Variants in MRNIP observed in about 807,000 individuals in gnomAD.
MRNIP encodes MRN complex interacting protein.
MRNIP carries 30 observed loss-of-function variants against 29.8 expected under a neutral mutation model. That is an observed-to-expected ratio of 1.01 (90% CI 0.75 to 1.36). The LOEUF (loss-of-function observed/expected upper bound fraction) is 1.36. MRNIP is among the 40% of genes most tolerant of loss of function. The pLI is 0.00. For synonymous variants in MRNIP, 201 were observed against 164.1 expected (o/e 1.23, Z -1.72); for missense variants, 459 against 423.5 (o/e 1.08, Z -0.74).
intron 4 of MRNIP, among the ~76,000 whole-genome samples, chr5:179,843,879 A>G (rs1759015953): frequency 6.6e-6 from 1 of 152,198 alleles, no homozygotes; most frequent in Non-Finnish European, 1.5e-5. Flanking sequence ...TGGAAGCAGT[A>G]TAAGGTGATA....
At chr5:179,843,079 G>C (rs534573066) in intron 4 of MRNIP, among the ~76,000 whole-genome samples, 51 of 137,036 alleles carry the variant, frequency 3.7e-4, no homozygotes, top group East Asian at 7.4e-4. Context: ...GGGAGGGAGG[G>C]AGGCAGGCAA....
At position 179,838,073 on chromosome 5, in the gene MRNIP, C is replaced by T. The variant is rs886060510; in HGVS notation, c.538-188G>A. 23 of 604,564 alleles carry T rather than the reference C, an allele frequency of 3.8e-5. No homozygotes were observed. The highest frequency in any genetic ancestry group is 5.8e-5 in the Non-Finnish European group (20 of 343,164). The allele number at this position is 604,564 out of a possible 1,614,324, so 37.4% of individuals were successfully genotyped here. A position where few individuals can be genotyped will look rare whatever the true frequency, so the allele number is the denominator to read the frequency against. On this transcript the variant is annotated intron_variant, in intron 6 of 6. Coordinates refer to ENST00000292586, the MANE Select transcript of MRNIP (RefSeq NM_016175.4). ...AGCAAATAAATGCCTTCCACCTCAC[C>T]GCAAACCTTCTGCTAAATTGCATGA...
At chr5:179,851,225 T>C (rs2113565370) in intron 2 of MRNIP, 1 of 455,638 alleles carries the variant, frequency 2.2e-6, no homozygotes, top group South Asian at 1.5e-5. Context: ...ATGCTCACCA[T>C]GTGGGGTGTC....
At chr5:179,843,064 A>AAGGAAGGAAGGGG in intron 4 of MRNIP, among the ~76,000 whole-genome samples, 1 of 85,990 alleles carries the variant, frequency 1.2e-5, no homozygotes, top group Non-Finnish European at 2.4e-5. Context: ...GAAGGAAGGG[A>AAGGAAGGAAGGGG]GGGAGGGAGG....
At chr5:179,851,321 C>A (rs1160436566) in intron 2 of MRNIP, 2 of 456,114 alleles carry the variant, frequency 4.4e-6, no homozygotes, top group Admixed American at 4.7e-5. Context: ...CAGCCTGGGC[C>A]AACCAGGTTG....
Position 179,844,158 on chromosome 5 carries a change from C to T in MRNIP, c.285G>A (p.Lys95=). 1 of 1,614,120 alleles carries T rather than the reference C, an allele frequency of 6.2e-7. No individual in the cohort carries two copies. Among genetic ancestry groups the T allele is most frequent in the Non-Finnish European group, 8.5e-7 (1 of 1,179,966 alleles). The part of the protein sequence containing the change: ...NVGHQQAGNV[K]QQEKSQPSES... ...AGGTGGGCCTGAGGCTTACCTGCTG[C>T]TTCACATTCCCAGCCTGCTGGTGTC... Residue 95 remains lysine, a synonymous_variant, in exon 4 of 7, where the codon AAG becomes AAA. Transcript: ENST00000292586.
At position 179,857,783 on chromosome 5, in the gene MRNIP, C is replaced by A. The variant is rs181001240; in HGVS notation, c.66+948G>T. Among the ~76,000 whole-genome samples, 7 of 152,230 alleles carry A rather than the reference C, an allele frequency of 4.6e-5. No individual in the cohort carries two copies. In the East Asian group the frequency reaches 1.4e-3, roughly 29 times the overall value. ...ATCCCAGCACTTTGGGAGGCCGAGGCAGGCGGGTCACCTGAGGTCAGGAGT... is the reference window on the plus strand; with the variant it reads ...ATCCCAGCACTTTGGGAGGCCGAGGAAGGCGGGTCACCTGAGGTCAGGAGT... On this transcript the variant is annotated intron_variant, in intron 1 of 6. Transcript: ENST00000292586.
intron 1 of MRNIP, among the ~76,000 whole-genome samples, chr5:179,857,492 A>C (rs1759643240): frequency 6.6e-6 from 1 of 152,114 alleles, no homozygotes; most frequent in Non-Finnish European, 1.5e-5. Context: ...AAATAAAAAT[A>C]AACGGAAAAT....
chr5:179,844,656 G>A (rs1266137260), intron 3 of MRNIP, among the ~76,000 whole-genome samples: 4 of 152,012 alleles, frequency 2.6e-5, no homozygotes, highest in Non-Finnish European at 4.4e-5. Flanking sequence ...AAATTCCTGG[G>A]CTCAAGTGAT....
rs781024263 is a variant in MRNIP at position 179,837,770 on chromosome 5, G to A, written c.653C>T (p.Pro218Leu). 1 of 1,614,188 alleles carries A rather than the reference G, an allele frequency of 6.2e-7. No individual in the cohort carries two copies. Among genetic ancestry groups the A allele is most frequent in the South Asian group, 1.1e-5 (1 of 91,092 alleles). Residue 218 changes from proline (P) to leucine (L), a missense_variant, in exon 7 of 7, where the codon CCC becomes CTC. Coordinates refer to ENST00000292586, the MANE Select transcript of MRNIP (RefSeq NM_016175.4). Reference sequence around the variant, plus strand: ...GGATGTGGCTGTAACCTGCTGGATGGGACTCCATAGCTCCTTCCCAGGACC... The same window carrying A: ...GGATGTGGCTGTAACCTGCTGGATGAGACTCCATAGCTCCTTCCCAGGACC... ...LRGPGKELWSPIQQVTATSSK... is the reference protein window; with the variant it reads ...LRGPGKELWSLIQQVTATSSK...
intron 2 of MRNIP, among the ~76,000 whole-genome samples, chr5:179,850,413 GAC>G (rs1236745193): frequency 6.6e-6 from 1 of 152,222 alleles, no homozygotes; most frequent in African/African-American, 2.4e-5. Context: ...TCTGTGATCA[GAC>G]ACACACACTA....
At chr5:179,851,339 T>A in intron 2 of MRNIP, 1 of 456,088 alleles carries the variant, frequency 2.2e-6, no homozygotes, top group Non-Finnish European at 4.4e-6. Context: ...TTGCTTCTCC[T>A]AGGAATTTAT....
chr5:179,848,620 G>A (rs1011948953), intron 2 of MRNIP, among the ~76,000 whole-genome samples: 1 of 152,166 alleles, frequency 6.6e-6, no homozygotes, highest in African/African-American at 2.4e-5. Flanking sequence ...AGTGAGAAGA[G>A]ACAGGAAAGA....
At chr5:179,853,149 G>A in intron 2 of MRNIP, 1 of 1,318,626 alleles carries the variant, frequency 7.6e-7, no homozygotes. Context: ...TTGGCACACA[G>A]AAAGTACTCA....
At chr5:179,856,980 C>T (rs576617257) in intron 1 of MRNIP, among the ~76,000 whole-genome samples, 15 of 152,190 alleles carry the variant, frequency 9.9e-5, no homozygotes, top group South Asian at 2.1e-4. Context: ...GTACCAGCTA[C>T]GTGGGAGGCT....
At chr5:179,851,426 T>C (rs567006264) in intron 2 of MRNIP, 19 of 456,014 alleles carry the variant, frequency 4.2e-5, no homozygotes, top group South Asian at 2.9e-4. Context: ...CTGAACAGTC[T>C]GGGGAGAAAC....
chr5:179,848,216 C>A, intron 2 of MRNIP, 150 bp from the exon 3 acceptor site: 1 of 657,438 alleles, frequency 1.5e-6, no homozygotes, highest in South Asian at 1.6e-5. Context: ...TAATGACTGA[C>A]GGCTGTCTCT....
chr5:179,843,967 T>A (rs934408664), intron 4 of MRNIP, among the ~76,000 whole-genome samples, 185 bp downstream of exon 4: 1 of 152,176 alleles, frequency 6.6e-6, no homozygotes, highest in African/African-American at 2.4e-5. Flanking sequence ...TTGGTACACA[T>A]GGCTGCCTCC....
chr5:179,846,290 C>CT lies in MRNIP; in HGVS notation c.215+1687dup, dbSNP rs540881589. ...CTTTTTCTTTGGGGATTCTTTTTTT[C>CT]TTTTTTTTTTTTGAGATGGAGTCTC... is the stretch of plus-strand genomic sequence containing the variant. On this transcript the variant is annotated intron_variant, in intron 3 of 6. Coordinates refer to ENST00000292586, the MANE Select transcript of MRNIP (RefSeq NM_016175.4). 1,325 of 143,272 alleles carry CT rather than the reference C, an allele frequency of 9.2e-3. 6 individuals carry two copies. The highest frequency in any genetic ancestry group is 0.019 in the South Asian group (87 of 4,532). The allele number at this position is 143,272 out of a possible 1,614,324, so 8.9% of individuals were successfully genotyped here.
Sources: gnomAD v4.1 joint callset for allele counts (sites outside exome capture counted in the v4.1 genomes callset) on GRCh38, gnomAD v4.1.1 for gene constraint, MANE v1.5 for transcripts, NCBI Gene and HGNC (gene_info 2026-07-23, HGNC 2026-07-21) for gene names.